DLGAP2: variants seen among roughly 807,000 people sequenced by gnomAD.
DLGAP2 encodes DLG associated protein 2.
A neutral mutation model predicts 100.3 loss-of-function variants in DLGAP2; 26 were observed. The observed-to-expected ratio is 0.26, with a 90% confidence interval of 0.19 to 0.36. The LOEUF (loss-of-function observed/expected upper bound fraction) is 0.36. Ranked by LOEUF, DLGAP2 falls within the 10% of genes least tolerant of loss-of-function variation. The pLI is 1.00. For synonymous variants in DLGAP2, 886 were observed against 630.1 expected (o/e 1.41, Z -6.08); for missense variants, 1,858 against 1,453.2 (o/e 1.28, Z -4.53).
chr8:1,629,906 C>T (rs891523012), intron 7 of DLGAP2, among the ~76,000 whole-genome samples: 2 of 152,166 alleles, frequency 1.3e-5, no homozygotes, highest in Non-Finnish European at 2.9e-5. Flanking sequence ...CTAGTTCTCT[C>T]GTCATCTTGC....
intron 2 of DLGAP2, among the ~76,000 whole-genome samples, chr8:1,088,337 G>T (rs1467642249): frequency 6.6e-6 from 1 of 152,058 alleles, no homozygotes; most frequent in Non-Finnish European, 1.5e-5. Flanking sequence ...GGCACCAAGG[G>T]CCTGGTGGGG....
chr8:1,522,026 T>C (rs1204745505), intron 4 of DLGAP2, among the ~76,000 whole-genome samples: 7 of 150,426 alleles, frequency 4.7e-5, no homozygotes, highest in African/African-American at 1.7e-4. Context: ...GCAGGTGATT[T>C]GGGGCGTCTC....
chr8:1,296,726 C>G (rs775550323), intron 3 of DLGAP2, among the ~76,000 whole-genome samples: 1 of 152,202 alleles, frequency 6.6e-6, no homozygotes, highest in Non-Finnish European at 1.5e-5. Context: ...GCGTCAAAGG[C>G]TCTTTGGGTT....
intron 2 of DLGAP2, among the ~76,000 whole-genome samples, chr8:912,152 G>A (rs1432641246): frequency 2.0e-5 from 3 of 152,150 alleles, no homozygotes; most frequent in African/African-American, 7.2e-5. Context: ...TTTGCAATAT[G>A]GCAGCAGTAA....
chr8:1,589,356 C>G (rs1204116336), intron 6 of DLGAP2, among the ~76,000 whole-genome samples: 1 of 152,178 alleles, frequency 6.6e-6, no homozygotes, highest in Non-Finnish European at 1.5e-5. Context: ...TACTTTTCAG[C>G]TATGAGTGGA....
At chr8:1,688,243 C>G (rs1029685088) in intron 12 of DLGAP2, 4 of 152,402 alleles carry the variant, frequency 2.6e-5, no homozygotes, top group Non-Finnish European at 4.4e-5. Flanking sequence ...CCTCCCTTCT[C>G]TGTTCCCAGG....
At chr8:752,726 C>G (rs1352701568) in intron 1 of DLGAP2, among the ~76,000 whole-genome samples, 1 of 152,154 alleles carries the variant, frequency 6.6e-6, no homozygotes, top group African/African-American at 2.4e-5. Context: ...CCTGGAGGTG[C>G]AGGCTGTGCC....
At chr8:967,568 G>A (rs1189704417) in intron 2 of DLGAP2, among the ~76,000 whole-genome samples, 1 of 151,270 alleles carries the variant, frequency 6.6e-6, no homozygotes, top group African/African-American at 2.4e-5. Flanking sequence ...AAGAGGAAAA[G>A]TTCAAAATTT....
At chr8:958,909 G>A (rs1190323879) in intron 2 of DLGAP2, among the ~76,000 whole-genome samples, 1 of 152,214 alleles carries the variant, frequency 6.6e-6, no homozygotes, top group Non-Finnish European at 1.5e-5. Flanking sequence ...ACATAAGGTG[G>A]CTTGATATGA....
intron 2 of DLGAP2, among the ~76,000 whole-genome samples, chr8:1,245,336 C>T (rs1462117624): frequency 6.6e-6 from 1 of 152,190 alleles, no homozygotes; most frequent in East Asian, 1.9e-4. Context: ...ATAGAAACAA[C>T]CCAGGTCAAG....
At chr8:983,801 A>G (rs1442366490) in intron 2 of DLGAP2, among the ~76,000 whole-genome samples, 1 of 151,920 alleles carries the variant, frequency 6.6e-6, no homozygotes, top group African/African-American at 2.4e-5. Context: ...TGTATGTCAC[A>G]TGCCTGGCTA....
intron 1 of DLGAP2, among the ~76,000 whole-genome samples, chr8:897,957 G>A (rs1798177166): frequency 6.6e-6 from 1 of 152,140 alleles, no homozygotes; most frequent in Non-Finnish European, 1.5e-5. Flanking sequence ...CAGTGCCTGT[G>A]GTGACCTCCA....
chr8:823,634 C>G (rs929914651), intron 1 of DLGAP2, among the ~76,000 whole-genome samples: 1 of 152,098 alleles, frequency 6.6e-6, no homozygotes, highest in Non-Finnish European at 1.5e-5. Context: ...CGCACCCCAG[C>G]AGGGATGTGT....
intron 3 of DLGAP2, among the ~76,000 whole-genome samples, chr8:1,281,943 C>T (rs911646472): frequency 2.6e-5 from 4 of 151,938 alleles, no homozygotes; most frequent in African/African-American, 9.7e-5. Context: ...AATGAGCATG[C>T]ACCAGGGCCG....
At chr8:1,351,677 C>A (rs373661571) in intron 3 of DLGAP2, among the ~76,000 whole-genome samples, 589 of 14,406 alleles carry the variant, frequency 0.041, 5 homozygotes, top group Middle Eastern at 0.25. Flanking sequence ...GTGTGTGGAA[C>A]GGCCGTGTGG....
intron 1 of DLGAP2, among the ~76,000 whole-genome samples, chr8:887,435 T>G (rs773950357): frequency 6.6e-6 from 1 of 152,232 alleles, no homozygotes; most frequent in Non-Finnish European, 1.5e-5. Context: ...TTGGTTATTT[T>G]CCACACTAGT....
At chr8:1,525,191 C>CTTTTTTT (rs56358216) in intron 4 of DLGAP2, among the ~76,000 whole-genome samples, 48 of 103,610 alleles carry the variant, frequency 4.6e-4, no homozygotes, top group East Asian at 8.8e-4. Context: ...ACTCTGATGT[C>CTTTTTTT]TTTTTTTTTT....
At chr8:1,428,420 G>C (rs149211894) in intron 3 of DLGAP2, among the ~76,000 whole-genome samples, 4 of 152,094 alleles carry the variant, frequency 2.6e-5, no homozygotes, top group Non-Finnish European at 5.9e-5. Context: ...TTCCTTGAGA[G>C]AGAGAGAGAG....
intron 2 of DLGAP2, among the ~76,000 whole-genome samples, chr8:1,220,797 C>G (rs898410975): frequency 1.6e-4 from 25 of 152,240 alleles, no homozygotes; most frequent in African/African-American, 5.1e-4. Flanking sequence ...CATTGGGTGC[C>G]TATATATTTA....
Sources: gnomAD v4.1 joint callset for allele counts (sites outside exome capture counted in the v4.1 genomes callset) on GRCh38, gnomAD v4.1.1 for gene constraint, MANE v1.5 for transcripts, NCBI Gene and HGNC (gene_info 2026-07-23, HGNC 2026-07-21) for gene names.